The following TPP2 variants were observed in gnomAD, a reference collection of about 807,000 sequenced individuals.
TPP2 encodes the protein tripeptidyl peptidase 2.
Under a neutral mutation model 155.9 loss-of-function variants are expected in TPP2, and 34 were observed. The observed-to-expected ratio is 0.22, with a 90% CI of 0.17 to 0.29. The LOEUF (loss-of-function observed/expected upper bound fraction) is 0.29, where lower values mean the gene tolerates loss of function less well. TPP2 is among the 10% of genes least tolerant of loss of function. The probability of loss-of-function intolerance (pLI) is 1.00; values close to 1 mark genes in which losing one functional copy is unlikely to be tolerated. For synonymous variants in TPP2, 510 were observed against 529.4 expected, an observed-to-expected ratio of 0.96 and a Z score of 0.50; for missense variants, 1,028 against 1,522.3, an observed-to-expected ratio of 0.68 and a Z score of 5.40.
chr13:102,665,875 A>G (rs1300121431), intron 27 of TPP2, among the ~76,000 whole-genome samples: 1 of 152,176 alleles, frequency 6.6e-6, no homozygotes, highest in East Asian at 1.9e-4. Flanking sequence ...TTTCCATTAT[A>G]TCATTTATAT....
At chr13:102,632,943 A>G (rs1215099119) in intron 10 of TPP2, among the ~76,000 whole-genome samples, 1 of 152,228 alleles carries the variant, frequency 6.6e-6, no homozygotes, top group Non-Finnish European at 1.5e-5. Context: ...GGTTCCTAAA[A>G]GAGGTGCTGT....
rs2139390813 is a variant in TPP2, at chr13:102,597,187, G to A, written c.149G>A (p.Gly50Glu). The A allele has an allele frequency of 1.3e-6, 2 of 1,509,102 alleles. No individual in the cohort carries two copies. The highest frequency in any genetic ancestry group is 8.9e-7 in the Non-Finnish European group (1 of 1,128,628). The allele number at this position is 1,509,102 out of a possible 1,614,324, so 93.5% of individuals were successfully genotyped here. The change falls in exon 1 of 30, where the codon GGG becomes GAG. Residue 50 changes from glycine (G) to glutamate (E), a missense_variant. By Grantham distance (98) the Gly-to-Glu change is moderately conservative. Coordinates refer to ENST00000376052, the MANE Select transcript of TPP2 (RefSeq NM_001330588.2). ...GTCCTGGACACGGGGGTCGACCCGGGGGCTCCGGGCATGCAGGTGAGGCGG... is the reference window on the plus strand; with the variant it reads ...GTCCTGGACACGGGGGTCGACCCGGAGGCTCCGGGCATGCAGGTGAGGCGG... The part of the protein sequence containing the change: ...IAVLDTGVDP[G>E]APGMQVTTDG...
At position 102,679,098 on chromosome 13, in the gene TPP2, T is replaced by A. The variant is rs1885476450; in HGVS notation, c.*782T>A. Reference sequence around the variant, plus strand: ...CATGAATAAATTTGCAAAACCAAGATCACAGTACACCATATGCACTCTGGT... The same window carrying A: ...CATGAATAAATTTGCAAAACCAAGAACACAGTACACCATATGCACTCTGGT... On this transcript the variant is annotated 3_prime_UTR_variant, in exon 30 of 30. Coordinates refer to ENST00000376052, the MANE Select transcript of TPP2 (RefSeq NM_001330588.2). The A allele has an allele frequency of 6.6e-6, 1 of 152,586 alleles. No homozygotes were observed. The highest frequency in any genetic ancestry group is 1.5e-5 in the Non-Finnish European group (1 of 68,024). 9.5% of individuals were successfully genotyped at this position (152,586 alleles called of 1,614,324 possible). A position where few individuals can be genotyped will look rare whatever the true frequency, so the allele number is the denominator to read the frequency against.
chr13:102,616,414 A>C lies in TPP2; in HGVS notation c.409A>C (p.Ile137Leu). Residue 137 changes from isoleucine (I) to leucine (L), a missense_variant, in exon 4 of 30, where the codon ATC (isoleucine) becomes CTC (leucine). Around this residue, in one of 7 missense-constraint regions of TPP2, gnomAD observed 300 missense variants for 398.3 expected, o/e 0.75. Coordinates refer to ENST00000376052, the MANE Select transcript of TPP2 (RefSeq NM_001330588.2). The stretch of plus-strand genomic sequence containing the variant: ...TTTGCAGAAAGAACGGAAGGAAAAA[A>C]TCTGGGACCCTGTTCACAGAGTGGC... ...ERIQKERKEK[I>L]WDPVHRVALA... The C allele has an allele frequency of 6.2e-7, 1 of 1,611,402 alleles. No individual in the cohort carries two copies.
chr13:102,610,905 T>C (rs956620672), intron 2 of TPP2, among the ~76,000 whole-genome samples: 2 of 152,258 alleles, frequency 1.3e-5, no homozygotes, highest in Admixed American at 6.5e-5. Flanking sequence ...ATCAGAAACT[T>C]CCTGCATCCT....
chr13:102,601,609 C>G (rs758881913), intron 1 of TPP2, among the ~76,000 whole-genome samples: 1 of 152,160 alleles, frequency 6.6e-6, no homozygotes, highest in Non-Finnish European at 1.5e-5. Context: ...AAGCTCTTAC[C>G]GATACTAACT....
chr13:102,623,784 T>C (rs1881345328), intron 6 of TPP2, among the ~76,000 whole-genome samples: 1 of 152,230 alleles, frequency 6.6e-6, no homozygotes, highest in Non-Finnish European at 1.5e-5. Context: ...ACAGTCATCC[T>C]TTGGTATCTG....
chr13:102,662,103 C>T (rs1321652422), intron 25 of TPP2, among the ~76,000 whole-genome samples: 2 of 152,122 alleles, frequency 1.3e-5, no homozygotes, highest in African/African-American at 4.8e-5. Context: ...TTAATACATG[C>T]TCCAACATGA....
intron 5 of TPP2, 51 bp downstream of exon 5, chr13:102,618,897 A>G (rs1880941149): frequency 1.3e-6 from 2 of 1,556,978 alleles, no homozygotes; most frequent in Non-Finnish European, 1.7e-6. Flanking sequence ...TTTCTTTTCT[A>G]CTCTGAAAAA....
intron 25 of TPP2, 75 bp downstream of exon 25, chr13:102,657,282 A>G (rs1883922479): frequency 4.0e-6 from 5 of 1,238,878 alleles, no homozygotes; most frequent in South Asian, 2.1e-5. Context: ...TTGTGTATAT[A>G]TACATAGACC....
At chr13:102,636,125 T>A in intron 12 of TPP2, 99 bp from the exon 13 acceptor site, 1 of 1,254,300 alleles carries the variant, frequency 8.0e-7, no homozygotes, top group South Asian at 1.6e-5. Flanking sequence ...AGACACTAAC[T>A]TTTTGTTTTA....
At chr13:102,651,477 C>T (rs947379013) in intron 24 of TPP2, 80 bp downstream of exon 24, 60 of 1,422,442 alleles carry the variant, frequency 4.2e-5, no homozygotes, top group Non-Finnish European at 5.6e-5. Flanking sequence ...TATTATAAAC[C>T]TTTTTTTTAA....
At chr13:102,623,646 T>A (rs1030663033) in intron 6 of TPP2, among the ~76,000 whole-genome samples, 5 of 152,210 alleles carry the variant, frequency 3.3e-5, no homozygotes, top group Non-Finnish European at 7.3e-5. Context: ...CACCCATGAG[T>A]ACAGAGAATC....
intron 13 of TPP2, 39 bp from the exon 14 acceptor site, chr13:102,637,043 A>G: frequency 6.4e-7 from 1 of 1,551,594 alleles, no homozygotes. Flanking sequence ...AAAAAGGAAA[A>G]AAATACTCAT....
intron 8 of TPP2, among the ~76,000 whole-genome samples, chr13:102,628,785 C>T (rs186909540): frequency 1.3e-5 from 2 of 151,960 alleles, no homozygotes; most frequent in East Asian, 3.9e-4. Context: ...TTCATTCTTC[C>T]CTCTTCTCTC....
intron 24 of TPP2, among the ~76,000 whole-genome samples, chr13:102,654,398 CTT>C: frequency 6.6e-6 from 1 of 152,078 alleles, no homozygotes; most frequent in East Asian, 1.9e-4. Flanking sequence ...TTCTTTGTCT[CTT>C]TTTTTGCTTT....
intron 18 of TPP2, 55 bp downstream of exon 18, chr13:102,644,728 G>T (rs886495019): frequency 1.4e-6 from 2 of 1,475,070 alleles, no homozygotes; most frequent in African/African-American, 2.8e-5. Context: ...TGTTACTGGA[G>T]AGTAACTTCA....
intron 24 of TPP2, among the ~76,000 whole-genome samples, chr13:102,652,383 A>C (rs1883555716): frequency 7.5e-6 from 1 of 133,330 alleles, no homozygotes; most frequent in Non-Finnish European, 1.6e-5. Context: ...CTGTCTCAAA[A>C]CAAAACATAC....
chr13:102,598,270 G>C (rs918145309), intron 1 of TPP2, among the ~76,000 whole-genome samples: 1 of 152,020 alleles, frequency 6.6e-6, no homozygotes, highest in Non-Finnish European at 1.5e-5. Context: ...TCAGCCCCTG[G>C]CTATCTTATC....
Sources: gnomAD v4.1 joint callset for allele counts (sites outside exome capture counted in the v4.1 genomes callset) on GRCh38, gnomAD v4.1.1 for gene constraint, gnomAD v4.1.1 regional missense constraint, MANE v1.5 for transcripts, NCBI Gene and HGNC (gene_info 2026-07-23, HGNC 2026-07-21) for gene names.